The following SETX variants were observed in gnomAD, a reference collection of about 807,000 sequenced individuals.
SETX encodes the protein senataxin.
In SETX, 90 loss-of-function variants were observed where a neutral mutation model predicts 227.2. The observed-to-expected ratio is 0.40, with a 90% confidence interval of 0.33 to 0.47. The LOEUF (loss-of-function observed/expected upper bound fraction) is 0.47. Among genes scored for constraint, SETX ranks in the 20% least tolerant of loss-of-function variants. SETX has a pLI of 0.91. For synonymous variants in SETX, 1,210 were observed against 1,113.2 expected (o/e 1.09, Z -1.73); for missense variants, 3,052 against 3,181.5 (o/e 0.96, Z 0.98).
chr9:132,316,548 T>C (rs1446524777), intron 10 of SETX, among the ~76,000 whole-genome samples: 1 of 152,258 alleles, frequency 6.6e-6, no homozygotes, highest in Non-Finnish European at 1.5e-5. Flanking sequence ...GATATTTTCT[T>C]CGTTTAGTTT....
chr9:132,310,382 A>T (rs1489975908), intron 11 of SETX, among the ~76,000 whole-genome samples: 3 of 152,252 alleles, frequency 2.0e-5, no homozygotes, highest in Admixed American at 6.5e-5. Flanking sequence ...CTAATATTCC[A>T]CAATCTACTT....
intron 10 of SETX, among the ~76,000 whole-genome samples, chr9:132,314,800 T>C (rs1470850653): frequency 1.3e-5 from 2 of 151,730 alleles, no homozygotes; most frequent in African/African-American, 2.4e-5. Flanking sequence ...TACTTCCACA[T>C]AGACTAAATA....
chr9:132,354,431 G>A (rs1848779838), intron 1 of SETX, among the ~76,000 whole-genome samples: 1 of 150,132 alleles, frequency 6.7e-6, no homozygotes, highest in Non-Finnish European at 1.5e-5. Flanking sequence ...AGGAAGACGA[G>A]GTTGCTGCGA....
In SETX at chr9:132,329,279, A is replaced by C. The variant is rs745959525; in HGVS notation, c.2319T>G (p.Ala773=). The change falls in exon 10 of 26, where the codon GCT becomes GCG. Residue 773 remains alanine (A), a synonymous_variant. Coordinates refer to ENST00000224140, the MANE Select transcript of SETX (RefSeq NM_015046.7). Reference sequence around the variant, plus strand: ...CCTTAGTTTTTCGTTTTGAGGTTTTAGCAAGAGCATCATCCTTTAAAGAGA... The same window carrying C: ...CCTTAGTTTTTCGTTTTGAGGTTTTCGCAAGAGCATCATCCTTTAAAGAGA... The part of the protein sequence containing the change: ...EDFSLKDDAL[A]KTSKRKTKVQ... 1 of 1,613,746 alleles carries C rather than the reference A, an allele frequency of 6.2e-7. No individual in the cohort carries two copies.
At position 132,329,055 on chromosome 9, in the gene SETX, A is replaced by C. The variant is rs567711722; in HGVS notation, c.2543T>G (p.Val848Gly). Reference protein sequence around the residue: ...IHNLSLDPSGVLDDKNGEQKS... With the variant: ...IHNLSLDPSGGLDDKNGEQKS... ...TTGTTCTCCATTCTTATCATCCAGAACACCACTAGGGTCTAAAGAAAGATT... is the reference window on the plus strand; with the variant it reads ...TTGTTCTCCATTCTTATCATCCAGACCACCACTAGGGTCTAAAGAAAGATT... Residue 848 changes from valine (V) to glycine (G), a missense_variant, in exon 10 of 26, where the codon GTT becomes GGT. By Grantham distance (109) the Val-to-Gly change is moderately radical (BLOSUM62 -3). Transcript: ENST00000224140. 4.8e-5 allele frequency: 77 copies of C among 1,609,680 alleles called. No individual in the cohort carries two copies. The highest frequency in any genetic ancestry group is 1.3e-4 in the South Asian group (12 of 90,836).
At position 132,261,908 on chromosome 9, in the gene SETX, T is replaced by C. The variant is rs537839179; in HGVS notation, c.*2331A>G. The C allele has an allele frequency of 7.8e-5, 12 of 154,542 alleles. No homozygotes were observed. Among genetic ancestry groups the C allele is most frequent in the African/African-American group, 2.9e-4 (12 of 41,646 alleles). 9.6% of individuals were successfully genotyped at this position (154,542 alleles called of 1,614,324 possible). ...GAAGCGAAGAGCCACACTTCACACCTTGTAAAAAGAATAGCCCTGTTCAAC... is the reference window on the plus strand; with the variant it reads ...GAAGCGAAGAGCCACACTTCACACCCTGTAAAAAGAATAGCCCTGTTCAAC... On this transcript the variant is annotated 3_prime_UTR_variant, in exon 26 of 26. Transcript: ENST00000224140.
At chr9:132,275,549 A>G in intron 22 of SETX, 129 bp from the exon 23 acceptor site, 1 of 745,626 alleles carries the variant, frequency 1.3e-6, no homozygotes, top group East Asian at 2.7e-5. Flanking sequence ...TCTTTTATTC[A>G]GCTAGCAGTG....
At chr9:132,286,559 A>C in intron 17 of SETX, 65 bp from the exon 18 acceptor site, 2 of 1,083,890 alleles carry the variant, frequency 1.8e-6, no homozygotes, top group Non-Finnish European at 2.8e-6. Flanking sequence ...CTTCCAATGG[A>C]CTACCTCTAA....
chr9:132,336,625 T>A, intron 5 of SETX, 110 bp from the exon 6 acceptor site: 2 of 820,074 alleles, frequency 2.4e-6, no homozygotes, highest in Non-Finnish European at 4.2e-6. Flanking sequence ...ACATGTGACA[T>A]ATTAATTAAT....
chr9:132,328,871 TTTC>T lies in SETX; in HGVS notation c.2724_2726del (p.Lys909del), dbSNP rs751044720. 2.0e-5 allele frequency: 32 copies of T among 1,613,948 alleles called. No homozygotes were observed. The Admixed American group carries it at 3.5e-4, about 18-fold the overall frequency. On this transcript the variant is annotated inframe_deletion, in exon 10 of 26. Coordinates refer to ENST00000224140, the MANE Select transcript of SETX (RefSeq NM_015046.7). ...TCATAAGATCTTTAAAGGGAGATGA[TTTC>T]TTCTCTGAAGCATTGGTCATTTCTG...
chr9:132,291,764 A>C (rs1049861368), intron 15 of SETX, among the ~76,000 whole-genome samples: 2 of 152,166 alleles, frequency 1.3e-5, no homozygotes, highest in Non-Finnish European at 2.9e-5. Flanking sequence ...TATAATTTAC[A>C]TTCAGTAAAA....
intron 17 of SETX, 133 bp downstream of exon 17, chr9:132,288,103 G>C: frequency 1.4e-6 from 1 of 713,912 alleles, no homozygotes; most frequent in Non-Finnish European, 2.5e-6. Flanking sequence ...CTGAACCCAG[G>C]AAGGTGAGGC....
At chr9:132,347,543 C>T (rs1168526552) in intron 3 of SETX, among the ~76,000 whole-genome samples, 2 of 151,878 alleles carry the variant, frequency 1.3e-5, no homozygotes, top group Non-Finnish European at 2.9e-5. Context: ...AACTGCTGAC[C>T]TCGTAATCCA....
At chr9:132,310,246 CAAAACA>C (rs1402853007) in intron 11 of SETX, among the ~76,000 whole-genome samples, 1 of 152,218 alleles carries the variant, frequency 6.6e-6, no homozygotes, top group African/African-American at 2.4e-5. Context: ...CTAAAAATCT[CAAAACA>C]ATCTATACAA....
At chr9:132,355,793 C>A (rs1420737984), upstream of SETX, among the ~76,000 whole-genome samples, 1 of 152,084 alleles carries the variant, frequency 6.6e-6, no homozygotes, top group Non-Finnish European at 1.5e-5. Context: ...TCGAGACCAG[C>A]CTGACCAACA....
Position 132,329,465 on chromosome 9 carries a change from C to T in SETX, c.2133G>A (p.Lys711=), listed in dbSNP as rs746772505. The T allele has an allele frequency of 6.2e-6, 10 of 1,612,414 alleles. No individual in the cohort carries two copies. In the Admixed American group the frequency reaches 1.3e-4, roughly 22 times the overall value. Residue 711 remains lysine (K), a synonymous_variant, in exon 10 of 26, where the codon AAG becomes AAA. Transcript: ENST00000224140. The part of the protein sequence containing the change: ...AEDQIKISTR[K]QKSVKEISSY... ...AAGAGATCTCTTTTACAGACTTCTG[C>T]TTCCTTGTACTTATTTTAATTTGAT...
At chr9:132,268,642 T>C (rs1244697742) in intron 25 of SETX, among the ~76,000 whole-genome samples, 1 of 152,032 alleles carries the variant, frequency 6.6e-6, no homozygotes, top group African/African-American at 2.4e-5. Context: ...GAGGAAAAAA[T>C]AAAATAATAT....
At chr9:132,273,435 T>G (rs1842993472) in intron 23 of SETX, among the ~76,000 whole-genome samples, 1 of 152,244 alleles carries the variant, frequency 6.6e-6, no homozygotes, top group South Asian at 2.1e-4. Context: ...AGTGCTGGGA[T>G]TACAGGCATG....
chr9:132,292,625 A>AC (rs750671825), intron 15 of SETX, among the ~76,000 whole-genome samples: 66 of 125,210 alleles, frequency 5.3e-4, no homozygotes, highest in African/African-American at 1.9e-3. Flanking sequence ...TTCCCAACTC[A>AC]TTTTTTTTTT....
Sources: gnomAD v4.1 joint callset for allele counts (sites outside exome capture counted in the v4.1 genomes callset) on GRCh38, gnomAD v4.1.1 for gene constraint, MANE v1.5 for transcripts, NCBI Gene and HGNC (gene_info 2026-07-23, HGNC 2026-07-21) for gene names.